Variants in SLCO3A1 observed in about 807,000 individuals in gnomAD.
The protein encoded by SLCO3A1 is PGE1 transporter.
In SLCO3A1, 27 loss-of-function variants were observed where a neutral mutation model predicts 63.1. That is an observed-to-expected ratio of 0.43 (90% CI 0.32 to 0.59). The LOEUF is 0.59. Among genes scored for constraint, SLCO3A1 ranks in the 20% least tolerant of loss-of-function variants. The pLI, the probability that SLCO3A1 is intolerant of heterozygous loss-of-function variation, is 0.09. For synonymous variants in SLCO3A1, 473 were observed against 409.9 expected (o/e 1.15, Z -1.86); for missense variants, 773 against 945.8 (o/e 0.82, Z 2.40).
intron 2 of SLCO3A1, among the ~76,000 whole-genome samples, chr15:92,086,503 T>G (rs2047406239): frequency 1.3e-5 from 2 of 152,196 alleles, no homozygotes; most frequent in South Asian, 4.1e-4. Context: ...AGTCTACATA[T>G]GAACTCCTTG....
chr15:92,096,604 T>C (rs1323951143), intron 3 of SLCO3A1, among the ~76,000 whole-genome samples: 1 of 152,204 alleles, frequency 6.6e-6, no homozygotes, highest in East Asian at 1.9e-4. Context: ...CATGCCGATC[T>C]ATCCTCAGGA....
Position 91,968,679 on chromosome 15 carries a change from G to A in SLCO3A1, c.646+52221G>A, listed in dbSNP as rs1311796205. ...CCAACCCATTCTTCAGACAGAGAAA[G>A]GGTGCACACGCAGACCCGCAAGCAC... On this transcript the variant is annotated intron_variant, in intron 2 of 9. Coordinates refer to ENST00000318445, the MANE Select transcript of SLCO3A1 (RefSeq NM_013272.4). The surrounding 1 kb of genome is among the most constrained non-coding windows in gnomAD (Gnocchi z 4.2). Among the ~76,000 whole-genome samples, 1 of 152,176 alleles carries A rather than the reference G, an allele frequency of 6.6e-6. No homozygotes were observed.
intron 2 of SLCO3A1, among the ~76,000 whole-genome samples, chr15:92,056,443 G>T (rs552348694): frequency 6.6e-6 from 1 of 152,266 alleles, no homozygotes; most frequent in Admixed American, 6.5e-5. Context: ...TCGCTTAGAA[G>T]TCCCTGCCAC....
downstream of SLCO3A1, among the ~76,000 whole-genome samples, chr15:92,169,583 A>T (rs1452245942): frequency 7.0e-6 from 1 of 143,882 alleles, no homozygotes; most frequent in Non-Finnish European, 1.5e-5. Context: ...CAGATAGGAG[A>T]CTCCTAGTGC....
chr15:92,075,553 C>G (rs972257747), intron 2 of SLCO3A1, among the ~76,000 whole-genome samples: 1 of 152,238 alleles, frequency 6.6e-6, no homozygotes, highest in African/African-American at 2.4e-5. Context: ...CCTTGATGAG[C>G]TCTTGCTCCA....
At chr15:92,082,804 C>T (rs964400512) in intron 2 of SLCO3A1, among the ~76,000 whole-genome samples, 15 of 152,200 alleles carry the variant, frequency 9.9e-5, no homozygotes, top group East Asian at 1.9e-4. Context: ...CTGATTCTCA[C>T]GCCTTCACCA....
chr15:91,936,520 G>A (rs760915635), intron 2 of SLCO3A1, among the ~76,000 whole-genome samples: 2 of 152,220 alleles, frequency 1.3e-5, no homozygotes, highest in Non-Finnish European at 2.9e-5. Flanking sequence ...GGCCTGGAGG[G>A]TTTAAACTTT....
intron 2 of SLCO3A1, among the ~76,000 whole-genome samples, chr15:92,047,592 T>TAATATATAAATATATATA (rs1317548390): frequency 4.4e-5 from 1 of 22,774 alleles, no homozygotes; most frequent in African/African-American, 1.9e-4. Flanking sequence ...AATATATATA[T>TAATATATAAATATATATA]AATATATAAT....
chr15:92,080,954 G>A (rs767785049), intron 2 of SLCO3A1, among the ~76,000 whole-genome samples: 3,809 of 116,558 alleles, frequency 0.033, 85 homozygotes, highest in Admixed American at 0.056. Flanking sequence ...GTGTGTGTGT[G>A]TGTGTGTGTG....
intron 4 of SLCO3A1, among the ~76,000 whole-genome samples, chr15:92,114,415 G>C (rs1187487248): frequency 6.6e-6 from 1 of 152,084 alleles, no homozygotes; most frequent in African/African-American, 2.4e-5. Flanking sequence ...TGACAGAACT[G>C]CTCCATCCTT....
At chr15:92,170,805 A>G (rs1001085980), downstream of SLCO3A1, 4 of 152,232 alleles carry the variant, frequency 2.6e-5, no homozygotes, top group African/African-American at 4.8e-5. Flanking sequence ...CTTCAACCTT[A>G]GCCACATCAG....
chr15:91,949,265 C>A (rs1899915538), intron 2 of SLCO3A1, among the ~76,000 whole-genome samples: 1 of 152,146 alleles, frequency 6.6e-6, no homozygotes, highest in Non-Finnish European at 1.5e-5. Context: ...CCTGGCTCCA[C>A]CATTTCCTGG....
intron 2 of SLCO3A1, among the ~76,000 whole-genome samples, chr15:91,952,408 G>GT (rs1484492669): frequency 1.3e-5 from 2 of 152,238 alleles, no homozygotes; most frequent in African/African-American, 4.8e-5. Context: ...AAGAACAGTT[G>GT]TATCTTTGCA....
chr15:91,916,268 C>T lies in SLCO3A1; in HGVS notation c.456C>T (p.Ala152=). The T allele has an allele frequency of 6.4e-7, 1 of 1,555,508 alleles. No homozygotes were observed. Among genetic ancestry groups the T allele is most frequent in the Non-Finnish European group, 8.7e-7 (1 of 1,152,482 alleles). Residue 152 remains alanine, a synonymous_variant, in exon 2 of 10, where the codon GCC becomes GCT. Coordinates refer to ENST00000318445, the MANE Select transcript of SLCO3A1 (RefSeq NM_013272.4). This position sits in a 1 kb window ranked among gnomAD's most constrained non-coding sequence, Gnocchi z 6.2. The part of the protein sequence containing the change: ...WGAEGRDVCA[A]NGSGGDEGPD... The stretch of plus-strand genomic sequence containing the variant: ...CCGAGGGCCGCGACGTCTGCGCAGC[C>T]AACGGCTCGGGCGGCGACGAGGGGC...
downstream of SLCO3A1, among the ~76,000 whole-genome samples, chr15:92,166,693 CCTGTGGTTG>C (rs2048495503): frequency 6.6e-6 from 1 of 152,204 alleles, no homozygotes; most frequent in African/African-American, 2.4e-5. Context: ...AAAAGATTCT[CCTGTGGTTG>C]CTAATGGATA....
intron 2 of SLCO3A1, among the ~76,000 whole-genome samples, chr15:92,067,882 G>A (rs960319403): frequency 3.3e-5 from 5 of 152,158 alleles, no homozygotes; most frequent in East Asian, 1.9e-4. Context: ...TCAGTGTCTC[G>A]TGAGGATCAG....
chr15:92,067,490 C>T (rs186944519), intron 2 of SLCO3A1, among the ~76,000 whole-genome samples: 38 of 152,326 alleles, frequency 2.5e-4, no homozygotes, highest in Non-Finnish European at 5.1e-4. Context: ...TTTGTCTACT[C>T]GTCTTCCTCC....
At chr15:92,088,625 G>C (rs115095729) in intron 2 of SLCO3A1, among the ~76,000 whole-genome samples, 2 of 152,104 alleles carry the variant, frequency 1.3e-5, no homozygotes, top group African/African-American at 2.4e-5. Context: ...GTGATCCTGC[G>C]TGGAGGAGAA....
chr15:91,985,976 G>T (rs2046047356), intron 2 of SLCO3A1, among the ~76,000 whole-genome samples: 1 of 152,132 alleles, frequency 6.6e-6, no homozygotes. Flanking sequence ...CCAGGGTATG[G>T]CTCTCCCCCT....
Sources: allele counts gnomAD v4.1 joint callset (sites outside exome capture counted in the v4.1 genomes callset), GRCh38; gene constraint gnomAD v4.1.1; non-coding constraint Gnocchi (gnomAD v3.1); transcripts MANE v1.5; gene names NCBI Gene and HGNC (gene_info 2026-07-23, HGNC 2026-07-21).